RBFOX1: variants seen among roughly 807,000 people sequenced by gnomAD.
The protein encoded by RBFOX1 is RNA binding protein fox-1 homolog 1.
Under a neutral mutation model 57.7 loss-of-function variants are expected in RBFOX1, and 8 were observed. The observed-to-expected ratio is 0.14, with a 90% CI of 0.08 to 0.25. The LOEUF is 0.25. Ranked by LOEUF, RBFOX1 falls within the 10% of genes least tolerant of loss-of-function variation. RBFOX1 has a pLI of 1.00. For synonymous variants in RBFOX1, 326 were observed against 222.4 expected, an observed-to-expected ratio of 1.47 and a Z score of -4.15; for missense variants, 611 against 548.5, an observed-to-expected ratio of 1.11 and a Z score of -1.14.
chr16:7,370,217 A>C (rs2097541883), intron 4 of RBFOX1, among the ~76,000 whole-genome samples: 2 of 152,070 alleles, frequency 1.3e-5, no homozygotes, highest in Admixed American at 6.5e-5. Flanking sequence ...TCCCCTGGGG[A>C]GGGGAATGGG....
chr16:6,990,400 C>T (rs901854782), intron 3 of RBFOX1, among the ~76,000 whole-genome samples: 2 of 152,030 alleles, frequency 1.3e-5, no homozygotes, highest in African/African-American at 2.4e-5. Context: ...TGGCGCATGC[C>T]TGTAATCCCA....
intron 3 of RBFOX1, among the ~76,000 whole-genome samples, chr16:6,859,184 T>G (rs867681375): frequency 4.1e-5 from 2 of 49,292 alleles, no homozygotes; most frequent in Non-Finnish European, 8.2e-5. Context: ...TGTATATATA[T>G]GTATATATAT....
chr16:7,620,949 T>C (rs1467010285), intron 10 of RBFOX1, among the ~76,000 whole-genome samples: 1 of 152,174 alleles, frequency 6.6e-6, no homozygotes, highest in Non-Finnish European at 1.5e-5. Flanking sequence ...ATATTAGCTG[T>C]ACATGAGGTT....
chr16:6,835,083 A>G (rs142922066), intron 3 of RBFOX1, among the ~76,000 whole-genome samples: 59 of 151,928 alleles, frequency 3.9e-4, no homozygotes, highest in African/African-American at 1.3e-3. Flanking sequence ...TTTAGTAGAG[A>G]CGGGTTAGCC....
intron 1 of RBFOX1, among the ~76,000 whole-genome samples, chr16:5,278,626 C>T (rs901566049): frequency 2.0e-5 from 3 of 152,142 alleles, no homozygotes; most frequent in African/African-American, 7.2e-5. Context: ...TCCCATTTGT[C>T]TGATTTTGTT....
intron 3 of RBFOX1, among the ~76,000 whole-genome samples, chr16:5,661,417 C>A (rs1218800325): frequency 6.6e-6 from 1 of 152,144 alleles, no homozygotes; most frequent in African/African-American, 2.4e-5. Flanking sequence ...ACTGTAGAAA[C>A]CTTAGCCTGC....
chr16:7,414,050 T>A (rs1313465160), intron 4 of RBFOX1, among the ~76,000 whole-genome samples: 2 of 152,216 alleles, frequency 1.3e-5, no homozygotes, highest in African/African-American at 2.4e-5. Flanking sequence ...CCAAAGACTC[T>A]TACTCATCAA....
chr16:6,107,299 A>G (rs2096392975), intron 1 of RBFOX1, among the ~76,000 whole-genome samples: 1 of 151,802 alleles, frequency 6.6e-6, no homozygotes, highest in East Asian at 1.9e-4. Context: ...TCCTTTCACT[A>G]CCCATGAAAT....
intron 1 of RBFOX1, among the ~76,000 whole-genome samples, chr16:5,322,449 C>G (rs188305181): frequency 2.0e-5 from 3 of 152,212 alleles, no homozygotes; most frequent in African/African-American, 7.2e-5. Context: ...TGGGCATGGC[C>G]AGAGGTGCAC....
intron 3 of RBFOX1, among the ~76,000 whole-genome samples, chr16:5,783,485 T>C (rs1305152061): frequency 1.3e-5 from 2 of 152,154 alleles, no homozygotes; most frequent in Admixed American, 6.6e-5. Context: ...ATCAATAATA[T>C]AGGAAAAGTG....
In RBFOX1 at chr16:6,097,048, A is replaced by C. The variant is rs2096253342; in HGVS notation, c.-127+77056A>C. Among the ~76,000 whole-genome samples, 2 of 152,108 alleles carry C rather than the reference A, an allele frequency of 1.3e-5. No individual in the cohort carries two copies. The highest frequency in any genetic ancestry group is 2.9e-5 in the Non-Finnish European group (2 of 68,032). ...GGACTTCGTGGGAGATAACTGAATC[A>C]TGGGGGTGGTTTCCCCCATACTGTT... On this transcript the variant is annotated intron_variant, in intron 1 of 15. Coordinates refer to ENST00000550418, the MANE Select transcript of RBFOX1 (RefSeq NM_018723.4). This position sits in a 1 kb window ranked among gnomAD's most constrained non-coding sequence, Gnocchi z 5.0.
At chr16:6,942,624 G>A (rs1448888098) in intron 3 of RBFOX1, among the ~76,000 whole-genome samples, 1 of 152,164 alleles carries the variant, frequency 6.6e-6, no homozygotes. Flanking sequence ...CAGTGCAGGA[G>A]ACGGTGCTAG....
chr16:7,409,543 C>G (rs1434523259), intron 4 of RBFOX1, among the ~76,000 whole-genome samples: 1 of 152,202 alleles, frequency 6.6e-6, no homozygotes, highest in South Asian at 2.1e-4. Context: ...TTATTTTGCA[C>G]TATCCTAAGC....
intron 4 of RBFOX1, among the ~76,000 whole-genome samples, chr16:7,068,478 A>G (rs1296909261): frequency 6.6e-6 from 1 of 152,176 alleles, no homozygotes; most frequent in East Asian, 1.9e-4. Flanking sequence ...CTTCTTTTGC[A>G]GTCCCTACTG....
chr16:6,260,584 G>A (rs1258578187), intron 1 of RBFOX1, among the ~76,000 whole-genome samples: 1 of 152,118 alleles, frequency 6.6e-6, no homozygotes, highest in Non-Finnish European at 1.5e-5. Context: ...AAGAAGGCAT[G>A]GCATGCATCC....
intron 3 of RBFOX1, among the ~76,000 whole-genome samples, chr16:6,932,466 C>A (rs1052644232): frequency 2.0e-5 from 3 of 152,152 alleles, no homozygotes; most frequent in African/African-American, 4.8e-5. Context: ...TACATTTCAA[C>A]CTTGGAGGAA....
chr16:6,882,488 G>T (rs552060235), intron 3 of RBFOX1, among the ~76,000 whole-genome samples: 2 of 152,050 alleles, frequency 1.3e-5, no homozygotes, highest in African/African-American at 4.8e-5. Context: ...CAGCTACTCC[G>T]GAGGGTGAGG....
At chr16:5,647,815 T>G (rs1470362377) in intron 3 of RBFOX1, among the ~76,000 whole-genome samples, 3 of 152,188 alleles carry the variant, frequency 2.0e-5, no homozygotes, top group Non-Finnish European at 4.4e-5. Flanking sequence ...AATCTCTGCT[T>G]CCCAACACAG....
chr16:7,608,677 C>A (rs899731350), intron 10 of RBFOX1, among the ~76,000 whole-genome samples: 4 of 152,208 alleles, frequency 2.6e-5, no homozygotes, highest in African/African-American at 9.7e-5. Context: ...GGGCAAGTTA[C>A]TTAACCTCTC....
Sources: gnomAD v4.1 joint callset for allele counts (sites outside exome capture counted in the v4.1 genomes callset) on GRCh38, gnomAD v4.1.1 for gene constraint, Gnocchi (gnomAD v3.1) non-coding constraint, MANE v1.5 for transcripts, NCBI Gene and HGNC (gene_info 2026-07-23, HGNC 2026-07-21) for gene names.